MREG: variants seen among roughly 807,000 people sequenced by gnomAD.
MREG encodes melanoregulin, also known as dilute suppressor protein homolog.
Under a neutral mutation model 28.5 loss-of-function variants are expected in MREG, and 31 were observed. The observed-to-expected ratio is 1.09, with a 90% CI of 0.82 to 1.47. MREG has a LOEUF of 1.47. Ranked by LOEUF, MREG falls within the 40% of genes most tolerant of loss-of-function variation. MREG has a pLI of 0.00. For missense variants in MREG, 256 were observed against 257.4 expected, an observed-to-expected ratio of 0.99 and a Z score of 0.04; for synonymous variants, 106 against 95.2, an observed-to-expected ratio of 1.11 and a Z score of -0.66.
intron 2 of MREG, among the ~76,000 whole-genome samples, chr2:215,987,606 C>T (rs772137585): frequency 3.9e-5 from 6 of 152,078 alleles, no homozygotes; most frequent in African/African-American, 7.2e-5. Flanking sequence ...AGTGGAAGGG[C>T]GCAGTGGCTC....
At chr2:215,962,672 G>A (rs1692822591) in intron 2 of MREG, among the ~76,000 whole-genome samples, 1 of 152,206 alleles carries the variant, frequency 6.6e-6, no homozygotes, top group South Asian at 2.1e-4. Context: ...ACTGAACTCT[G>A]AATCCAGAGT....
At chr2:215,970,170 T>C (rs1211872500) in intron 2 of MREG, among the ~76,000 whole-genome samples, 1 of 152,116 alleles carries the variant, frequency 6.6e-6, no homozygotes, top group African/African-American at 2.4e-5. Context: ...CCTAATCCAG[T>C]ACAACTGCTT....
downstream of MREG, chr2:215,941,568 T>G (rs1016543242): frequency 1.4e-4 from 21 of 152,202 alleles, no homozygotes; most frequent in African/African-American, 4.6e-4. Context: ...ATCATTGCCA[T>G]ACACACTTGC....
At chr2:215,974,767 T>C (rs1358568340) in intron 2 of MREG, among the ~76,000 whole-genome samples, 1 of 151,484 alleles carries the variant, frequency 6.6e-6, no homozygotes, top group African/African-American at 2.4e-5. Flanking sequence ...TTATCTACTC[T>C]GGTGAAATTC....
chr2:216,021,297 A>C (rs946532146), intron 1 of MREG, among the ~76,000 whole-genome samples: 2 of 152,120 alleles, frequency 1.3e-5, no homozygotes, highest in East Asian at 3.9e-4. Flanking sequence ...ACAGGCATGC[A>C]CAACCACACC....
chr2:215,982,335 C>A (rs1406565968), intron 2 of MREG, among the ~76,000 whole-genome samples: 74 of 135,692 alleles, frequency 5.5e-4, no homozygotes, highest in Admixed American at 8.8e-4. Context: ...AAAACTCCGT[C>A]AAAAAAAAAA....
At chr2:215,952,064 T>C (rs1692503726) in intron 2 of MREG, among the ~76,000 whole-genome samples, 1 of 152,234 alleles carries the variant, frequency 6.6e-6, no homozygotes, top group Non-Finnish European at 1.5e-5. Flanking sequence ...CAATGACCTC[T>C]AGGTTCATCC....
intron 2 of MREG, among the ~76,000 whole-genome samples, chr2:215,980,263 G>A (rs905890892): frequency 1.3e-5 from 2 of 152,156 alleles, no homozygotes; most frequent in Non-Finnish European, 2.9e-5. Flanking sequence ...GGACTCACAA[G>A]GTACGTTACC....
downstream of MREG, among the ~76,000 whole-genome samples, chr2:215,942,324 CT>C (rs1271580431): frequency 6.6e-6 from 1 of 152,200 alleles, no homozygotes. Context: ...GGGAAACTCT[CT>C]GGCCTCCCAC....
At chr2:215,941,906 T>G (rs886350425), downstream of MREG, among the ~76,000 whole-genome samples, 7 of 152,356 alleles carry the variant, frequency 4.6e-5, no homozygotes, top group East Asian at 1.4e-3. Context: ...ATTGGGCCTC[T>G]GTTCTTCCAT....
intron 2 of MREG, among the ~76,000 whole-genome samples, chr2:215,982,299 T>TGACAGGA (rs1270116844): frequency 2.7e-5 from 4 of 145,486 alleles, no homozygotes; most frequent in African/African-American, 1.0e-4. Context: ...CCAGCCTGGG[T>TGACAGGA]GACAGGAGCA....
At chr2:216,027,219 G>A (rs1694609947) in intron 1 of MREG, among the ~76,000 whole-genome samples, 1 of 152,202 alleles carries the variant, frequency 6.6e-6, no homozygotes, top group South Asian at 2.1e-4. Flanking sequence ...TACATTTGGT[G>A]TTTGGTGACA....
At chr2:215,990,884 G>A (rs1266467204) in intron 2 of MREG, among the ~76,000 whole-genome samples, 1 of 152,186 alleles carries the variant, frequency 6.6e-6, no homozygotes, top group Non-Finnish European at 1.5e-5. Context: ...GGAGCACCCA[G>A]ATTCATAAAG....
At chr2:216,032,722 C>T (rs1574668227) in intron 1 of MREG, 1 of 152,328 alleles carries the variant, frequency 6.6e-6, no homozygotes, top group East Asian at 1.9e-4. Context: ...GCTCACTCTT[C>T]CCCATGTTAC....
At chr2:215,985,768 CTTT>C (rs1410695508) in intron 2 of MREG, among the ~76,000 whole-genome samples, 16 of 152,162 alleles carry the variant, frequency 1.1e-4, no homozygotes, top group African/African-American at 2.9e-4. Context: ...ATTCCTAGGT[CTTT>C]TGTGCTATTT....
chr2:215,942,644 T>C lies in MREG; in HGVS notation c.*2219A>G, dbSNP rs1213912494. Among the ~76,000 whole-genome samples the C allele has an allele frequency of 6.6e-6, 1 of 152,234 alleles. No individual in the cohort carries two copies. Among genetic ancestry groups the C allele is most frequent in the African/African-American group, 2.4e-5 (1 of 41,464 alleles). Reference sequence around the variant, plus strand: ...AAGGAAAATTTCCTGGATAATTCCATGTATTTTAATAATCACAGAGATAGT... The same window carrying C: ...AAGGAAAATTTCCTGGATAATTCCACGTATTTTAATAATCACAGAGATAGT... On this transcript the variant is annotated 3_prime_UTR_variant, in exon 5 of 5. Transcript: ENST00000263268.
At chr2:215,979,966 A>AAAAC (rs1242026387) in intron 2 of MREG, among the ~76,000 whole-genome samples, 1 of 90,100 alleles carries the variant, frequency 1.1e-5, no homozygotes, top group African/African-American at 4.4e-5. Context: ...AGATGTGAAA[A>AAAAC]AAACAAACAA....
chr2:215,969,933 A>C (rs1248223428), intron 2 of MREG, among the ~76,000 whole-genome samples: 1 of 152,196 alleles, frequency 6.6e-6, no homozygotes, highest in Non-Finnish European at 1.5e-5. Flanking sequence ...TTTTCTACTC[A>C]TTTAGTTAGA....
chr2:216,014,406 G>A (rs1694394268), upstream of MREG, among the ~76,000 whole-genome samples: 1 of 152,122 alleles, frequency 6.6e-6, no homozygotes, highest in Non-Finnish European at 1.5e-5. Context: ...ATCCCAGCAA[G>A]TTGGGAGGCC....
Sources: gnomAD v4.1 joint callset for allele counts (sites outside exome capture counted in the v4.1 genomes callset) on GRCh38, gnomAD v4.1.1 for gene constraint, MANE v1.5 for transcripts, NCBI Gene and HGNC (gene_info 2026-07-23, HGNC 2026-07-21) for gene names.